The following PPM1A variants were observed in gnomAD, a reference collection of about 807,000 sequenced individuals.
PPM1A encodes protein phosphatase, Mg2+/Mn2+ dependent 1A, also known as protein phosphatase 1A.
Under a neutral mutation model 35.0 loss-of-function variants are expected in PPM1A, and 7 were observed. The ratio of observed to expected loss-of-function variants is 0.20; its 90% CI spans 0.11 to 0.38. PPM1A has a LOEUF of 0.38. Ranked by LOEUF, PPM1A falls within the 10% of genes least tolerant of loss-of-function variation. PPM1A has a pLI of 1.00. For synonymous variants in PPM1A, 153 were observed against 167.3 expected (o/e 0.91, Z 0.66); for missense variants, 239 against 467.8 (o/e 0.51, Z 4.51).
chr14:60,290,280 A>G (rs1367435088), intron 4 of PPM1A, among the ~76,000 whole-genome samples: 1 of 152,180 alleles, frequency 6.6e-6, no homozygotes, highest in Non-Finnish European at 1.5e-5. Context: ...GATTTGGTCA[A>G]TCCCTGAGTA....
rs951090856 is a variant in PPM1A, at chr14:60,269,399, T to A, written c.-20-13285T>A. 2.0e-5 allele frequency among the ~76,000 whole-genome samples: 3 copies of A among 152,320 alleles called. No individual in the cohort carries two copies. In the East Asian group the frequency reaches 5.8e-4, roughly 29 times the overall value. On this transcript the variant is annotated intron_variant, in intron 1 of 5. Coordinates refer to ENST00000395076, the MANE Select transcript of PPM1A (RefSeq NM_021003.5). ...CATGTCTTCTTATTGCGTTTACATATAAATGACAACCTTGCTGGTCGTAGT... is the reference window on the plus strand; with the variant it reads ...CATGTCTTCTTATTGCGTTTACATAAAAATGACAACCTTGCTGGTCGTAGT...
chr14:60,259,853 T>C (rs916495881), intron 1 of PPM1A, among the ~76,000 whole-genome samples: 7 of 152,098 alleles, frequency 4.6e-5, no homozygotes, highest in Admixed American at 4.6e-4. Flanking sequence ...ATTATATACT[T>C]ACAAAGTTTA....
intron 1 of PPM1A, among the ~76,000 whole-genome samples, chr14:60,262,693 C>T (rs1883886146): frequency 6.6e-6 from 1 of 151,718 alleles, no homozygotes; most frequent in African/African-American, 2.4e-5. Flanking sequence ...CTCAAACAAA[C>T]AAACAACAAA....
chr14:60,253,379 T>A (rs947952243), intron 1 of PPM1A, among the ~76,000 whole-genome samples: 1 of 152,218 alleles, frequency 6.6e-6, no homozygotes, highest in Non-Finnish European at 1.5e-5. Flanking sequence ...AAATATGTGA[T>A]GTTATCTTCA....
chr14:60,296,381 G>C lies in PPM1A; in HGVS notation c.*3899G>C, dbSNP rs1396532460. ...GGTATATACTTTTAGTTCAAACTCA[G>C]CTGTTTGTACAGTATTGTATTAGGA... On this transcript the variant is annotated 3_prime_UTR_variant, in exon 6 of 6. Transcript: ENST00000395076. This position sits in a 1 kb window ranked among gnomAD's most constrained non-coding sequence, Gnocchi z 4.4. 1.1e-5 allele frequency: 2 copies of C among 183,876 alleles called. No individual in the cohort carries two copies. The highest frequency in any genetic ancestry group is 4.7e-5 in the African/African-American group (2 of 42,994). 11.4% of individuals were successfully genotyped at this position (183,876 alleles called of 1,614,324 possible). A position where few individuals can be genotyped will look rare whatever the true frequency, so the allele number is the denominator to read the frequency against.
chr14:60,285,946 G>T, intron 3 of PPM1A: 1 of 1,265,690 alleles, frequency 7.9e-7, no homozygotes, highest in African/African-American at 1.5e-5. Context: ...CAACTAGTGT[G>T]GAAAGTAACC....
rs182064708 is a variant in PPM1A, at chr14:60,293,570, G to C, written c.*1088G>C. The C allele has an allele frequency of 6.6e-6, 1 of 151,864 alleles. No homozygotes were observed. The highest frequency in any genetic ancestry group is 1.5e-5 in the Non-Finnish European group (1 of 67,852). The allele number at this position is 151,864 out of a possible 1,614,324, so 9.4% of individuals were successfully genotyped here. On this transcript the variant is annotated 3_prime_UTR_variant, in exon 6 of 6. Transcript: ENST00000395076. The surrounding 1 kb of genome is among the most constrained non-coding windows in gnomAD (Gnocchi z 4.0). ...TATTTTTTAAATAGGTTTCTTTCAGGCTGCTTATTTTTCATTAAGATGTGT... is the reference window on the plus strand; with the variant it reads ...TATTTTTTAAATAGGTTTCTTTCAGCCTGCTTATTTTTCATTAAGATGTGT...
At chr14:60,275,842 GC>G (rs1305422803) in intron 1 of PPM1A, among the ~76,000 whole-genome samples, 1 of 123,296 alleles carries the variant, frequency 8.1e-6, no homozygotes, top group Non-Finnish European at 1.6e-5. Flanking sequence ...CCAAAGATTA[GC>G]CTTTTTTTTT....
chr14:60,265,753 A>G (rs1884302330), intron 1 of PPM1A, among the ~76,000 whole-genome samples: 1 of 152,110 alleles, frequency 6.6e-6, no homozygotes, highest in South Asian at 2.1e-4. Flanking sequence ...GGAAGGCAGG[A>G]ATGCAAGAGA....
At chr14:60,288,261 A>T (rs1158172998) in intron 3 of PPM1A, 1 of 965,924 alleles carries the variant, frequency 1.0e-6, no homozygotes, top group Non-Finnish European at 1.2e-6. Context: ...AACAAAAGAG[A>T]TGTAAGATAC....
At chr14:60,258,595 T>C (rs934755427) in intron 1 of PPM1A, among the ~76,000 whole-genome samples, 4 of 152,138 alleles carry the variant, frequency 2.6e-5, no homozygotes, top group African/African-American at 9.7e-5. Context: ...TAGATTTCTT[T>C]TAGGGTCCAA....
At chr14:60,269,414 C>G (rs192259827) in intron 1 of PPM1A, among the ~76,000 whole-genome samples, 24 of 152,280 alleles carry the variant, frequency 1.6e-4, no homozygotes, top group African/African-American at 5.5e-4. Context: ...GACAACCTTG[C>G]TGGTCGTAGT....
At chr14:60,270,401 T>C (rs2139441049) in intron 1 of PPM1A, among the ~76,000 whole-genome samples, 1 of 152,250 alleles carries the variant, frequency 6.6e-6, no homozygotes. Context: ...TGACATCATG[T>C]TCTTGAGTAC....
In PPM1A at chr14:60,282,651, G is replaced by A; in HGVS notation, c.-20-33G>A. 6.3e-7 allele frequency: 1 copy of A among 1,596,264 alleles called. No individual in the cohort carries two copies. Reference sequence around the variant, plus strand: ...TGGTACATATTTTGTTTATAAGACAGTTATTGACTTTCCTGTTTCTCTTCC... The same window carrying A: ...TGGTACATATTTTGTTTATAAGACAATTATTGACTTTCCTGTTTCTCTTCC... On this transcript the variant is annotated intron_variant, in intron 1 of 5. Coordinates refer to ENST00000395076, the MANE Select transcript of PPM1A (RefSeq NM_021003.5). This position sits in a 1 kb window ranked among gnomAD's most constrained non-coding sequence, Gnocchi z 5.1.
chr14:60,279,649 G>T (rs1305717248), intron 1 of PPM1A, among the ~76,000 whole-genome samples: 1 of 152,126 alleles, frequency 6.6e-6, no homozygotes, highest in Non-Finnish European at 1.5e-5. Context: ...ACTCCTATCG[G>T]CACTCTAGGG....
chr14:60,287,248 A>C (rs1418942139), intron 3 of PPM1A: 1 of 960,270 alleles, frequency 1.0e-6, no homozygotes, highest in Non-Finnish European at 1.2e-6. Flanking sequence ...ATTTTGTTAC[A>C]ATAATAAGTT....
chr14:60,256,480 T>G (rs1487306450), intron 1 of PPM1A, among the ~76,000 whole-genome samples: 3 of 152,172 alleles, frequency 2.0e-5, no homozygotes, highest in Non-Finnish European at 4.4e-5. Flanking sequence ...TTTATTGGCT[T>G]TTTAAATGGA....
chr14:60,286,943 T>A (rs1390486607), intron 3 of PPM1A: 1 of 894,290 alleles, frequency 1.1e-6, no homozygotes, highest in Admixed American at 6.2e-5. Context: ...TATAAGTTAT[T>A]TATAGGTATA....
intron 1 of PPM1A, among the ~76,000 whole-genome samples, chr14:60,276,231 T>C (rs1031181847): frequency 2.0e-5 from 3 of 152,196 alleles, no homozygotes; most frequent in African/African-American, 4.8e-5. Flanking sequence ...TACATCCCAC[T>C]GCAAGTAATT....
Sources: allele counts gnomAD v4.1 joint callset (sites outside exome capture counted in the v4.1 genomes callset), GRCh38; gene constraint gnomAD v4.1.1; non-coding constraint Gnocchi (gnomAD v3.1); transcripts MANE v1.5; gene names NCBI Gene and HGNC (gene_info 2026-07-23, HGNC 2026-07-21).